The following PPFIBP2 variants were observed in gnomAD, a reference collection of about 807,000 sequenced individuals.
The protein encoded by PPFIBP2 is liprin-beta-2.
Under a neutral mutation model 118.3 loss-of-function variants are expected in PPFIBP2, and 118 were observed. The observed-to-expected ratio is 1.00, with a 90% confidence interval of 0.86 to 1.16. PPFIBP2 has a LOEUF of 1.16. PPFIBP2 is among the 50% of genes most tolerant of loss of function. The pLI is 0.00. For synonymous variants in PPFIBP2, 414 were observed against 397.4 expected (o/e 1.04, Z -0.50); for missense variants, 1,195 against 1,073.1 (o/e 1.11, Z -1.59).
intron 6 of PPFIBP2, among the ~76,000 whole-genome samples, chr11:7,614,999 G>T (rs1848469332): frequency 6.6e-6 from 1 of 152,168 alleles, no homozygotes; most frequent in African/African-American, 2.4e-5. Context: ...TTATGGGAGG[G>T]AAACAGACCT....
intron 3 of PPFIBP2, among the ~76,000 whole-genome samples, chr11:7,568,180 G>T (rs1855229482): frequency 6.6e-6 from 1 of 152,156 alleles, no homozygotes; most frequent in South Asian, 2.1e-4. Flanking sequence ...TATCAGTTGG[G>T]ATACTTTTTC....
At chr11:7,642,557 G>A (rs975271953) in intron 17 of PPFIBP2, 131 bp downstream of exon 17, 3 of 1,026,382 alleles carry the variant, frequency 2.9e-6, no homozygotes, top group African/African-American at 3.3e-5. Flanking sequence ...CCCCAGTCAA[G>A]CAGTCCCTAC....
intron 2 of PPFIBP2, among the ~76,000 whole-genome samples, chr11:7,561,310 C>A (rs1854275912): frequency 6.6e-6 from 1 of 152,220 alleles, no homozygotes; most frequent in Non-Finnish European, 1.5e-5. Flanking sequence ...GGGTGGTCTG[C>A]CTGCCTCGGC....
intron 21 of PPFIBP2, 162 bp from the exon 22 acceptor site, chr11:7,650,678 G>A (rs1454404849): frequency 3.5e-6 from 2 of 569,842 alleles, no homozygotes; most frequent in South Asian, 4.2e-5. Context: ...CTAGAAACTG[G>A]GGAGGCTGGT....
rs575530816 is a variant in PPFIBP2 at position 7,608,529 on chromosome 11, A to G, written c.487-1762A>G. 1.5e-3 allele frequency among the ~76,000 whole-genome samples: 221 copies of G among 152,248 alleles called. 1 individual carries two copies. The highest frequency in any genetic ancestry group is 5.2e-3 in the African/African-American group (216 of 41,548). ...GTGGCATGCGCCTGTAATCCCGGCT[A>G]CTCGGGAGGCTGAGGCAGGAGAATC... On this transcript the variant is annotated intron_variant, in intron 5 of 23. Coordinates refer to ENST00000299492, the MANE Select transcript of PPFIBP2 (RefSeq NM_003621.5).
intron 5 of PPFIBP2, among the ~76,000 whole-genome samples, chr11:7,603,837 G>A (rs1846979351): frequency 6.6e-6 from 1 of 152,018 alleles, no homozygotes; most frequent in Non-Finnish European, 1.5e-5. Flanking sequence ...GTCCATCACA[G>A]TAAGTAAAAC....
At chr11:7,619,732 G>A (rs1849117891) in intron 6 of PPFIBP2, among the ~76,000 whole-genome samples, 1 of 152,316 alleles carries the variant, frequency 6.6e-6, no homozygotes, top group Middle Eastern at 3.4e-3. Flanking sequence ...ACATAGAGGA[G>A]GAAGGACAGG....
chr11:7,598,786 G>C (rs974682028), intron 5 of PPFIBP2, among the ~76,000 whole-genome samples: 4 of 146,874 alleles, frequency 2.7e-5, no homozygotes, highest in Non-Finnish European at 5.9e-5. Flanking sequence ...ATTGTTTCTT[G>C]ACAGCATACT....
chr11:7,589,501 G>A (rs1341200232), intron 3 of PPFIBP2, among the ~76,000 whole-genome samples: 4 of 152,022 alleles, frequency 2.6e-5, no homozygotes, highest in Non-Finnish European at 4.4e-5. Flanking sequence ...GCTGAGGCAG[G>A]AGGATCGCTT....
intron 3 of PPFIBP2, among the ~76,000 whole-genome samples, chr11:7,576,072 C>T (rs753757753): frequency 1.8e-4 from 27 of 152,330 alleles, no homozygotes; most frequent in Non-Finnish European, 3.7e-4. Flanking sequence ...CCTTTTGGGC[C>T]CTGCTTCTGG....
At chr11:7,629,255 C>G (rs1382073166) in intron 9 of PPFIBP2, among the ~76,000 whole-genome samples, 2 of 152,130 alleles carry the variant, frequency 1.3e-5, no homozygotes, top group African/African-American at 4.8e-5. Context: ...TCACAGTCTT[C>G]AGGTAGAGCG....
intron 3 of PPFIBP2, among the ~76,000 whole-genome samples, chr11:7,589,090 A>G (rs574625817): frequency 6.6e-6 from 1 of 152,340 alleles, no homozygotes; most frequent in Admixed American, 6.5e-5. Context: ...AGCAATAACC[A>G]TCAGAACAGA....
chr11:7,609,334 C>T (rs904224873), intron 5 of PPFIBP2, among the ~76,000 whole-genome samples: 2 of 152,190 alleles, frequency 1.3e-5, no homozygotes, highest in Non-Finnish European at 2.9e-5. Flanking sequence ...CATTGCTTTC[C>T]TGGTTGCTGT....
Position 7,518,260 on chromosome 11 carries a change from G to A in PPFIBP2, c.-37+4139G>A, listed in dbSNP as rs113992821. Among the ~76,000 whole-genome samples, 151 of 152,334 alleles carry A rather than the reference G, an allele frequency of 9.9e-4. 2 individuals carry two copies. Among genetic ancestry groups the A allele is most frequent in the African/African-American group, 2.9e-3 (122 of 41,568 alleles). On this transcript the variant is annotated intron_variant, in intron 1 of 23. Coordinates refer to ENST00000299492, the MANE Select transcript of PPFIBP2 (RefSeq NM_003621.5). ...TCGGGAATGGATTGGGAGATGAACC[G>A]AAGGTTTAAGATAGTGGTTCCTTCT...
intron 17 of PPFIBP2, among the ~76,000 whole-genome samples, chr11:7,646,038 C>G (rs570174249): frequency 1.2e-4 from 18 of 152,226 alleles, no homozygotes; most frequent in African/African-American, 4.3e-4. Flanking sequence ...CCAGATCACA[C>G]CAAAAGCAGT....
chr11:7,620,871 G>C, intron 6 of PPFIBP2, 64 bp from the exon 7 acceptor site: 1 of 1,201,702 alleles, frequency 8.3e-7, no homozygotes, highest in Admixed American at 1.7e-5. Context: ...AGCTTAACCA[G>C]GTTGGTAAAT....
At chr11:7,607,713 A>G (rs1271278480) in intron 5 of PPFIBP2, among the ~76,000 whole-genome samples, 4 of 151,884 alleles carry the variant, frequency 2.6e-5, no homozygotes, top group African/African-American at 9.7e-5. Flanking sequence ...TGACCTGTGC[A>G]CTTGTTCCTT....
chr11:7,645,688 A>T (rs1181461472), intron 17 of PPFIBP2, among the ~76,000 whole-genome samples: 1 of 152,142 alleles, frequency 6.6e-6, no homozygotes, highest in Non-Finnish European at 1.5e-5. Context: ...TTCGCAAAAC[A>T]AAAAATGGGA....
intron 1 of PPFIBP2, among the ~76,000 whole-genome samples, chr11:7,524,009 T>C (rs1007721849): frequency 6.6e-6 from 1 of 152,214 alleles, no homozygotes; most frequent in African/African-American, 2.4e-5. Context: ...CTGCACTGAT[T>C]ATCCCAAGAG....
Sources: allele counts gnomAD v4.1 joint callset (sites outside exome capture counted in the v4.1 genomes callset), GRCh38; gene constraint gnomAD v4.1.1; transcripts MANE v1.5; gene names NCBI Gene and HGNC (gene_info 2026-07-23, HGNC 2026-07-21).